PLXDC2: variants seen among roughly 807,000 people sequenced by gnomAD.
The protein encoded by PLXDC2 is plexin domain containing 2.
Under a neutral mutation model 68.9 loss-of-function variants are expected in PLXDC2, and 40 were observed. That is an observed-to-expected ratio of 0.58 (90% CI 0.45 to 0.76). PLXDC2 has a LOEUF of 0.76. Among genes scored for constraint, PLXDC2 ranks in the 30% least tolerant of loss-of-function variants. The pLI, the probability that PLXDC2 is intolerant of heterozygous loss-of-function variation, is 0.00. For synonymous variants in PLXDC2, 243 were observed against 234.2 expected (o/e 1.04, Z -0.34); for missense variants, 644 against 661.9 (o/e 0.97, Z 0.30).
chr10:20,074,872 A>G (rs1310394872), intron 4 of PLXDC2, among the ~76,000 whole-genome samples: 1 of 151,766 alleles, frequency 6.6e-6, no homozygotes, highest in Admixed American at 6.6e-5. Flanking sequence ...TTGTATTATT[A>G]TTATTATTAA....
intron 1 of PLXDC2, among the ~76,000 whole-genome samples, chr10:19,913,539 C>G (rs2131375659): frequency 6.6e-6 from 1 of 152,290 alleles, no homozygotes; most frequent in Non-Finnish European, 1.5e-5. Context: ...AATTTCAACT[C>G]TTTTATTTAC....
intron 12 of PLXDC2, 113 bp from the exon 13 acceptor site, chr10:20,245,232 C>T: frequency 8.5e-7 from 1 of 1,180,116 alleles, no homozygotes; most frequent in Middle Eastern, 2.1e-4. Flanking sequence ...AAAAGTTGTC[C>T]AGGAAGTAAA....
chr10:20,107,007 T>C (rs1833499607), intron 4 of PLXDC2, among the ~76,000 whole-genome samples: 1 of 149,376 alleles, frequency 6.7e-6, no homozygotes, highest in Admixed American at 6.7e-5. Flanking sequence ...AGGGGACATG[T>C]AGTGTATACA....
chr10:20,167,558 CT>C (rs1213073727), intron 7 of PLXDC2, among the ~76,000 whole-genome samples: 1 of 152,118 alleles, frequency 6.6e-6, no homozygotes, highest in Non-Finnish European at 1.5e-5. Flanking sequence ...CCTCTGTTAA[CT>C]TTTTTACCCC....
At chr10:20,137,506 C>T (rs1243737223) in intron 4 of PLXDC2, among the ~76,000 whole-genome samples, 1 of 152,158 alleles carries the variant, frequency 6.6e-6, no homozygotes, top group Non-Finnish European at 1.5e-5. Context: ...TTTATGAAAT[C>T]TTCCAATTAA....
At chr10:20,210,749 G>C (rs963792702) in intron 9 of PLXDC2, among the ~76,000 whole-genome samples, 1 of 152,172 alleles carries the variant, frequency 6.6e-6, no homozygotes, top group Non-Finnish European at 1.5e-5. Flanking sequence ...GAATCCAGGA[G>C]AGACCAGTGC....
intron 1 of PLXDC2, among the ~76,000 whole-genome samples, chr10:19,898,808 A>G (rs1349245502): frequency 6.6e-6 from 1 of 152,190 alleles, no homozygotes; most frequent in Non-Finnish European, 1.5e-5. Context: ...CATGAAATAT[A>G]TATTAAAATA....
intron 1 of PLXDC2, among the ~76,000 whole-genome samples, chr10:19,903,665 G>A (rs75720447): frequency 7.0e-6 from 1 of 142,674 alleles, no homozygotes; most frequent in Non-Finnish European, 1.5e-5. Flanking sequence ...TTGTTTGTTT[G>A]TTTCACTTTC....
At chr10:20,164,076 T>C (rs1257099338) in intron 6 of PLXDC2, among the ~76,000 whole-genome samples, 1 of 152,162 alleles carries the variant, frequency 6.6e-6, no homozygotes, top group East Asian at 1.9e-4. Context: ...AAAACAAATA[T>C]ACAGTAAAGT....
intron 1 of PLXDC2, among the ~76,000 whole-genome samples, chr10:19,847,315 A>G (rs1349980204): frequency 1.3e-5 from 2 of 152,178 alleles, no homozygotes; most frequent in African/African-American, 4.8e-5. Flanking sequence ...GTGGATTTTC[A>G]TGTGTGGCAA....
At chr10:19,872,947 T>C (rs1159138706) in intron 1 of PLXDC2, among the ~76,000 whole-genome samples, 1 of 152,212 alleles carries the variant, frequency 6.6e-6, no homozygotes, top group Non-Finnish European at 1.5e-5. Context: ...GTTTTCCACA[T>C]ATCTAATCTT....
At chr10:20,233,821 A>G (rs1835396084) in intron 12 of PLXDC2, among the ~76,000 whole-genome samples, 1 of 152,020 alleles carries the variant, frequency 6.6e-6, no homozygotes, top group Admixed American at 6.6e-5. Context: ...AGTTATTTTT[A>G]TTTATTTTTT....
chr10:19,987,379 A>T (rs1174593559), intron 1 of PLXDC2, among the ~76,000 whole-genome samples: 1 of 152,100 alleles, frequency 6.6e-6, no homozygotes, highest in Admixed American at 6.6e-5. Context: ...TTTCATGGTC[A>T]CGTGCATCCC....
At chr10:20,095,750 A>C (rs897858354) in intron 4 of PLXDC2, among the ~76,000 whole-genome samples, 4 of 152,104 alleles carry the variant, frequency 2.6e-5, no homozygotes, top group Non-Finnish European at 5.9e-5. Context: ...AGGTGTGATT[A>C]ATGTTTTAGA....
chr10:20,137,569 C>T (rs919252449), intron 4 of PLXDC2, among the ~76,000 whole-genome samples: 2 of 152,196 alleles, frequency 1.3e-5, no homozygotes, highest in African/African-American at 4.8e-5. Context: ...GAGGTGGCCA[C>T]CACCCTGCTC....
intron 4 of PLXDC2, among the ~76,000 whole-genome samples, chr10:20,115,084 A>T (rs566957828): frequency 6.6e-6 from 1 of 152,264 alleles, no homozygotes; most frequent in East Asian, 1.9e-4. Flanking sequence ...GATTCTGATG[A>T]CATTGGGGAT....
chr10:20,024,458 A>C (rs754396696), intron 2 of PLXDC2, among the ~76,000 whole-genome samples: 2 of 152,228 alleles, frequency 1.3e-5, no homozygotes, highest in African/African-American at 2.4e-5. Context: ...TTTGGTCTCC[A>C]ATTGAACATA....
chr10:20,248,364 T>C (rs1248401040), intron 13 of PLXDC2, among the ~76,000 whole-genome samples: 3 of 152,164 alleles, frequency 2.0e-5, no homozygotes, highest in African/African-American at 7.2e-5. Flanking sequence ...TAGAGCTAGA[T>C]GGAATCTTAG....
At chr10:19,889,836 C>T (rs879151209) in intron 1 of PLXDC2, among the ~76,000 whole-genome samples, 3 of 152,132 alleles carry the variant, frequency 2.0e-5, no homozygotes, top group Admixed American at 1.3e-4. Flanking sequence ...GAGGGCTAAT[C>T]GTGTAGGCAC....
Sources: allele counts gnomAD v4.1 joint callset (sites outside exome capture counted in the v4.1 genomes callset), GRCh38; gene constraint gnomAD v4.1.1; transcripts MANE v1.5; gene names NCBI Gene and HGNC (gene_info 2026-07-23, HGNC 2026-07-21).